Variants in WNT3 observed in about 807,000 individuals in gnomAD.
WNT3 encodes the protein Wnt family member 3.
A neutral mutation model predicts 34.2 loss-of-function variants in WNT3; 7 were observed. The ratio of observed to expected loss-of-function variants is 0.20; its 90% CI spans 0.12 to 0.38. WNT3 has a LOEUF of 0.38. WNT3 is among the 10% of genes least tolerant of loss of function. The pLI, the probability that WNT3 is intolerant of heterozygous loss-of-function variation, is 1.00. For synonymous variants in WNT3, 212 were observed against 211.5 expected, an observed-to-expected ratio of 1.00 and a Z score of -0.02; for missense variants, 267 against 499.8, an observed-to-expected ratio of 0.53 and a Z score of 4.44.
chr17:46,811,655 G>A (rs914326846), intron 1 of WNT3, among the ~76,000 whole-genome samples: 1 of 152,170 alleles, frequency 6.6e-6, no homozygotes, highest in Non-Finnish European at 1.5e-5. Flanking sequence ...TTGCCTCTCA[G>A]AAGATTCTAG....
chr17:46,806,336 A>G (rs2084196583), intron 1 of WNT3, among the ~76,000 whole-genome samples: 1 of 146,332 alleles, frequency 6.8e-6, no homozygotes, highest in African/African-American at 2.5e-5. Flanking sequence ...CAGCCTCCCC[A>G]GTAGCTGGGA....
intron 1 of WNT3, among the ~76,000 whole-genome samples, chr17:46,816,731 G>C (rs2146476387): frequency 6.6e-6 from 1 of 152,194 alleles, no homozygotes; most frequent in African/African-American, 2.4e-5. Flanking sequence ...TAGTTCATAG[G>C]GCCGGAGAGA....
In WNT3 at chr17:46,812,333, C is replaced by T. The variant is rs369744600; in HGVS notation, c.80+6185G>A. ...GCCTCCCCACACATACCTCCACCCC[C>T]CTACCCCCGCCCCAAGAATGTAATT... is the stretch of plus-strand genomic sequence containing the variant. On this transcript the variant is annotated intron_variant, in intron 1 of 4. Coordinates refer to ENST00000225512, the MANE Select transcript of WNT3 (RefSeq NM_030753.5). Among the ~76,000 whole-genome samples, 5 of 152,178 alleles carry T rather than the reference C, an allele frequency of 3.3e-5. No homozygotes were observed. The East Asian group carries it at 9.6e-4, about 29-fold the overall frequency.
Position 46,806,919 on chromosome 17 carries a change from G to A in WNT3, c.80+11599C>T, listed in dbSNP as rs138121766. On this transcript the variant is annotated intron_variant, in intron 1 of 4. Coordinates refer to ENST00000225512, the MANE Select transcript of WNT3 (RefSeq NM_030753.5). ...ACGGGAGCAGCTCTGTTGGAGAGAG[G>A]GTGGGTGCTACCTGGGCACTCCGTC... Among the ~76,000 whole-genome samples, 278 of 152,334 alleles carry A rather than the reference G, an allele frequency of 1.8e-3. 1 individual carries two copies. Among genetic ancestry groups the A allele is most frequent in the South Asian group, 6.8e-3 (33 of 4,824 alleles).
chr17:46,787,950 T>C (rs2059525268), intron 1 of WNT3, among the ~76,000 whole-genome samples: 1 of 143,996 alleles, frequency 6.9e-6, no homozygotes, highest in Admixed American at 7.0e-5. Context: ...AGTGAGACTC[T>C]GCCTCAGAAA....
At chr17:46,775,246 A>C (rs62074125) in intron 1 of WNT3, among the ~76,000 whole-genome samples, 27,500 of 152,194 alleles carry the variant, frequency 0.18, 3,498 homozygotes, top group South Asian at 0.47. Flanking sequence ...TAGGAAACTG[A>C]GGTTTAGAGA....
At chr17:46,810,029 A>G (rs1426614311) in intron 1 of WNT3, among the ~76,000 whole-genome samples, 12 of 131,714 alleles carry the variant, frequency 9.1e-5, no homozygotes, top group Non-Finnish European at 1.9e-4. Context: ...TTTTTGAGAC[A>G]GAGTGTTGGT....
At chr17:46,792,265 C>T (rs934692701) in intron 1 of WNT3, among the ~76,000 whole-genome samples, 1 of 152,026 alleles carries the variant, frequency 6.6e-6, no homozygotes, top group Non-Finnish European at 1.5e-5. Context: ...GGGGGGATGA[C>T]GTCATGGAGC....
chr17:46,811,025 T>A (rs947112221), intron 1 of WNT3, among the ~76,000 whole-genome samples: 1 of 152,062 alleles, frequency 6.6e-6, no homozygotes, highest in Admixed American at 6.6e-5. Context: ...AATGAGGCCA[T>A]TTTGAGAAGG....
chr17:46,767,597 A>T (rs1177251908), intron 4 of WNT3, among the ~76,000 whole-genome samples: 1 of 152,202 alleles, frequency 6.6e-6, no homozygotes, highest in African/African-American at 2.4e-5. Flanking sequence ...AAAGAACAGG[A>T]AGTTACTGAC....
At chr17:46,808,435 T>A (rs2084224983) in intron 1 of WNT3, among the ~76,000 whole-genome samples, 1 of 152,176 alleles carries the variant, frequency 6.6e-6, no homozygotes, top group Admixed American at 6.5e-5. Context: ...AAGTAGAATA[T>A]GAACAAGCAA....
intron 2 of WNT3, among the ~76,000 whole-genome samples, chr17:46,771,966 G>T (rs985213040): frequency 6.7e-6 from 1 of 148,174 alleles, no homozygotes; most frequent in Non-Finnish European, 1.5e-5. Flanking sequence ...TCCGGCCGCC[G>T]ACCCCGCCGC....
chr17:46,784,349 G>A lies in WNT3; in HGVS notation c.81-10440C>T, dbSNP rs76592755. Reference sequence around the variant, plus strand: ...GGCCAGAGGGACTTCCAGGCACCACGTAGAGACAGAGCTGGGCCCAAGAGA... The same window carrying A: ...GGCCAGAGGGACTTCCAGGCACCACATAGAGACAGAGCTGGGCCCAAGAGA... On this transcript the variant is annotated intron_variant, in intron 1 of 4. Transcript: ENST00000225512. 4.4e-4 allele frequency among the ~76,000 whole-genome samples: 67 copies of A among 152,332 alleles called. No individual in the cohort carries two copies. The East Asian group carries it at 0.013, about 28-fold the overall frequency.
intron 1 of WNT3, among the ~76,000 whole-genome samples, chr17:46,789,447 C>A (rs1448167537): frequency 6.6e-6 from 1 of 152,156 alleles, no homozygotes; most frequent in Non-Finnish European, 1.5e-5. Context: ...GGGGAGGAGT[C>A]CAGGAAACTG....
Position 46,769,009 on chromosome 17 carries a change from C to T in WNT3, c.589-210G>A, listed in dbSNP as rs73987027. ...ACACCCCAAGCATGGGTAGACAGCACGTCCACTTCTCACAGCGCATGAAAT... is the reference window on the plus strand; with the variant it reads ...ACACCCCAAGCATGGGTAGACAGCATGTCCACTTCTCACAGCGCATGAAAT... On this transcript the variant is annotated intron_variant, in intron 3 of 4. Coordinates refer to ENST00000225512, the MANE Select transcript of WNT3 (RefSeq NM_030753.5). Among the ~76,000 whole-genome samples the T allele has an allele frequency of 7.1e-3, 1,075 of 152,278 alleles. 11 individuals carry two copies. The highest frequency in any genetic ancestry group is 0.024 in the African/African-American group (1,012 of 41,556).
At chr17:46,785,791 G>A (rs1159217184) in intron 1 of WNT3, among the ~76,000 whole-genome samples, 1 of 152,136 alleles carries the variant, frequency 6.6e-6, no homozygotes, top group African/African-American at 2.4e-5. Context: ...GAGGCTGCGG[G>A]CCCTGTGCTC....
chr17:46,811,744 C>G (rs564996497), intron 1 of WNT3, among the ~76,000 whole-genome samples: 3 of 152,150 alleles, frequency 2.0e-5, no homozygotes, highest in Non-Finnish European at 2.9e-5. Flanking sequence ...TACCTGAGGT[C>G]GGGAGTTCGA....
At chr17:46,812,030 G>C (rs2084282914) in intron 1 of WNT3, among the ~76,000 whole-genome samples, 1 of 152,152 alleles carries the variant, frequency 6.6e-6, no homozygotes, top group Non-Finnish European at 1.5e-5. Context: ...CAGAAGCAGG[G>C]AGGAGACCCA....
chr17:46,771,371 G>A (rs1276323969), intron 2 of WNT3, among the ~76,000 whole-genome samples: 1 of 151,822 alleles, frequency 6.6e-6, no homozygotes, highest in African/African-American at 2.4e-5. Flanking sequence ...GCGCCTCGGG[G>A]AAGAGGGGCC....
Sources: allele counts gnomAD v4.1 joint callset (sites outside exome capture counted in the v4.1 genomes callset), GRCh38; gene constraint gnomAD v4.1.1; transcripts MANE v1.5; gene names NCBI Gene and HGNC (gene_info 2026-07-23, HGNC 2026-07-21).